Variants in XKR6 observed in about 807,000 individuals in gnomAD.
XKR6 encodes XK related 6.
In XKR6, 22 loss-of-function variants were observed where a neutral mutation model predicts 56.7. That is an observed-to-expected ratio of 0.39 (90% CI 0.28 to 0.55). The LOEUF is 0.55. Ranked by LOEUF, XKR6 falls within the 20% of genes least tolerant of loss-of-function variation. XKR6 has a pLI of 0.66. For synonymous variants in XKR6, 524 were observed against 387.8 expected (o/e 1.35, Z -4.13); for missense variants, 852 against 889.0 (o/e 0.96, Z 0.53).
chr8:11,149,827 C>T (rs948497383), intron 1 of XKR6, among the ~76,000 whole-genome samples: 6 of 152,104 alleles, frequency 3.9e-5, no homozygotes, highest in Admixed American at 1.3e-4. Context: ...GTGGACTCAC[C>T]CTAAGTGTCT....
chr8:11,097,399 C>A (rs946199627), intron 1 of XKR6, among the ~76,000 whole-genome samples: 2 of 151,966 alleles, frequency 1.3e-5, no homozygotes, highest in Non-Finnish European at 2.9e-5. Flanking sequence ...GAGCAATATG[C>A]CACTTTGAAC....
At chr8:11,137,881 A>C in intron 1 of XKR6, 3 of 360,900 alleles carry the variant, frequency 8.3e-6, no homozygotes, top group Non-Finnish European at 1.6e-5. Context: ...ATATTAAATA[A>C]ACTAAAGAAT....
At chr8:11,107,507 G>C (rs2129178182) in intron 1 of XKR6, among the ~76,000 whole-genome samples, 1 of 152,260 alleles carries the variant, frequency 6.6e-6, no homozygotes, top group South Asian at 2.1e-4. Context: ...TGACTCCTTT[G>C]TGCTCGACGT....
At chr8:11,124,264 T>C (rs1316041728) in intron 1 of XKR6, 2 of 345,504 alleles carry the variant, frequency 5.8e-6, no homozygotes, top group South Asian at 2.3e-5. Flanking sequence ...ACCCCTCTGT[T>C]AGGCAAAACA....
chr8:11,142,622 G>A (rs865835707), intron 1 of XKR6, among the ~76,000 whole-genome samples: 2 of 152,118 alleles, frequency 1.3e-5, no homozygotes. Context: ...TCCAGCTCTT[G>A]CCATGTGAGA....
At chr8:11,157,857 C>A (rs1484447135) in intron 1 of XKR6, among the ~76,000 whole-genome samples, 1 of 152,146 alleles carries the variant, frequency 6.6e-6, no homozygotes, top group Non-Finnish European at 1.5e-5. Flanking sequence ...AGTTACAAAT[C>A]TCTGAGATTC....
At chr8:10,952,746 C>A (rs908120291) in intron 1 of XKR6, among the ~76,000 whole-genome samples, 1 of 152,146 alleles carries the variant, frequency 6.6e-6, no homozygotes, top group Non-Finnish European at 1.5e-5. Flanking sequence ...ATCACGGGGG[C>A]GGATCCTTCA....
chr8:11,092,895 A>G (rs1415652255), intron 1 of XKR6, among the ~76,000 whole-genome samples: 3 of 152,210 alleles, frequency 2.0e-5, no homozygotes, highest in African/African-American at 7.2e-5. Flanking sequence ...GCAGGCCATG[A>G]GGGCCAAGGA....
At chr8:10,975,567 C>T (rs138705881) in intron 1 of XKR6, among the ~76,000 whole-genome samples, 7 of 152,338 alleles carry the variant, frequency 4.6e-5, no homozygotes, top group African/African-American at 9.6e-5. Flanking sequence ...CTGGGGCCCA[C>T]GCCACTGCAC....
intron 1 of XKR6, among the ~76,000 whole-genome samples, chr8:11,193,013 G>T (rs1041643376): frequency 2.4e-4 from 36 of 152,162 alleles, no homozygotes; most frequent in Middle Eastern, 3.2e-3. Flanking sequence ...GGAAAGAAAA[G>T]GAAGCATCAT....
chr8:11,069,000 A>G (rs1800050218), intron 1 of XKR6, among the ~76,000 whole-genome samples: 1 of 152,032 alleles, frequency 6.6e-6, no homozygotes, highest in Non-Finnish European at 1.5e-5. Context: ...GGCCAGCCCA[A>G]CCTCGGGGTC....
intron 1 of XKR6, among the ~76,000 whole-genome samples, chr8:10,941,333 T>A (rs1025594051): frequency 6.6e-6 from 1 of 152,126 alleles, no homozygotes; most frequent in Non-Finnish European, 1.5e-5. Flanking sequence ...TGATACCGCT[T>A]AGGAGCACTC....
chr8:10,947,619 T>C (rs976245986), intron 1 of XKR6, among the ~76,000 whole-genome samples: 4 of 152,170 alleles, frequency 2.6e-5, no homozygotes, highest in African/African-American at 9.7e-5. Flanking sequence ...CAGCACAGTG[T>C]AGCCCCCGGG....
At chr8:11,079,314 C>T (rs1800353967) in intron 1 of XKR6, among the ~76,000 whole-genome samples, 1 of 152,204 alleles carries the variant, frequency 6.6e-6, no homozygotes, top group South Asian at 2.1e-4. Flanking sequence ...CACATTTTGG[C>T]GCATTAAAGT....
chr8:10,898,517 G>C lies in XKR6; in HGVS notation c.1361C>G (p.Ala454Gly). The C allele has an allele frequency of 6.2e-7, 1 of 1,613,986 alleles. No homozygotes were observed. Among genetic ancestry groups the C allele is most frequent in the Non-Finnish European group, 8.5e-7 (1 of 1,180,000 alleles). Residue 454 changes from alanine to glycine, a missense_variant, in exon 3 of 3, where the codon GCT becomes GGT. By Grantham distance (60) the Ala-to-Gly change is moderately conservative. Coordinates refer to ENST00000416569, the MANE Select transcript of XKR6 (RefSeq NM_173683.4). This position sits in a 1 kb window ranked among gnomAD's most constrained non-coding sequence, Gnocchi z 6.6. ...AYYTIVLTEN[A>G]ALTFLWYFYR... ...AAAATACCAAAGGAACGTCAAGGCAGCATTCTCGGTCAAGACTATCGTATA... is the reference window on the plus strand; with the variant it reads ...AAAATACCAAAGGAACGTCAAGGCACCATTCTCGGTCAAGACTATCGTATA...
chr8:11,124,117 A>G, intron 1 of XKR6: 1 of 418,516 alleles, frequency 2.4e-6, no homozygotes, highest in South Asian at 1.7e-5. Flanking sequence ...TATTTACTTT[A>G]TCTTCCCTAC....
intron 1 of XKR6, among the ~76,000 whole-genome samples, chr8:11,131,329 T>C (rs1264692102): frequency 6.6e-6 from 1 of 152,148 alleles, no homozygotes; most frequent in Non-Finnish European, 1.5e-5. Flanking sequence ...TGGAACTGTG[T>C]GTGAATTTAG....
chr8:11,097,518 A>C (rs1473141094), intron 1 of XKR6, among the ~76,000 whole-genome samples: 1 of 151,610 alleles, frequency 6.6e-6, no homozygotes, highest in Non-Finnish European at 1.5e-5. Flanking sequence ...GGTTAAAAAA[A>C]TTATACAGGC....
intron 1 of XKR6, among the ~76,000 whole-genome samples, chr8:11,100,003 G>T (rs186400004): frequency 3.9e-5 from 6 of 152,170 alleles, no homozygotes; most frequent in Non-Finnish European, 2.9e-5. Context: ...TTGGGCGCTG[G>T]GAGGGAGAGG....
Sources: allele counts gnomAD v4.1 joint callset (sites outside exome capture counted in the v4.1 genomes callset), GRCh38; gene constraint gnomAD v4.1.1; non-coding constraint Gnocchi (gnomAD v3.1); transcripts MANE v1.5; gene names NCBI Gene and HGNC (gene_info 2026-07-23, HGNC 2026-07-21).